MAP4: variants seen among roughly 807,000 people sequenced by gnomAD.
MAP4 encodes the protein microtubule associated protein 4, also known as microtubule-associated protein 4.
Under a neutral mutation model 170.2 loss-of-function variants are expected in MAP4, and 76 were observed. The ratio of observed to expected loss-of-function variants is 0.45; its 90% CI spans 0.37 to 0.54. The LOEUF is 0.54. Ranked by LOEUF, MAP4 falls within the 20% of genes least tolerant of loss-of-function variation. The pLI, the probability that MAP4 is intolerant of heterozygous loss-of-function variation, is 0.00. For synonymous variants in MAP4, 909 were observed against 994.5 expected (o/e 0.91, Z 1.62); for missense variants, 2,506 against 2,748.0 (o/e 0.91, Z 1.97).
chr3:48,003,854 C>T (rs967369171), intron 1 of MAP4, among the ~76,000 whole-genome samples: 1 of 152,040 alleles, frequency 6.6e-6, no homozygotes, highest in Non-Finnish European at 1.5e-5. Context: ...CAGCCACCAG[C>T]GAACATAAAG....
intron 1 of MAP4, among the ~76,000 whole-genome samples, chr3:48,062,557 G>A (rs541643708): frequency 2.8e-5 from 4 of 143,282 alleles, no homozygotes; most frequent in Non-Finnish European, 6.1e-5. Flanking sequence ...ATTGTTATCT[G>A]TCAATTAAAA....
chr3:48,075,140 TGCAGATAGTA>T (rs1347918406), intron 1 of MAP4, among the ~76,000 whole-genome samples: 2 of 152,202 alleles, frequency 1.3e-5, no homozygotes, highest in African/African-American at 2.4e-5. Flanking sequence ...AGCATATTTA[TGCAGATAGTA>T]GCAGATAGTA....
At position 47,870,945 on chromosome 3, in the gene MAP4, G is replaced by C; in HGVS notation, c.6162C>G (p.Thr2054=). 6.2e-7 allele frequency: 1 copy of C among 1,614,112 alleles called. No individual in the cohort carries two copies. Among genetic ancestry groups the C allele is most frequent in the Non-Finnish European group, 8.5e-7 (1 of 1,179,964 alleles). ...GGGTGGTGGAGCTGGGTTTGGCCGA[G>C]GTGGGCTTCTTGTCTATGAAAGGAG... ...STTPFIDKKP[T]SAKPSSTTPR... The change falls in exon 15 of 21, where the codon ACC becomes ACG. Residue 2054 remains threonine, a synonymous_variant. Transcript: ENST00000683076.
In MAP4 at chr3:47,965,893, ATC is replaced by A. The variant is rs138523086; in HGVS notation, c.292+11970_292+11971del. Among the ~76,000 whole-genome samples the A allele has an allele frequency of 2.9e-3, 446 of 152,148 alleles. 4 individuals carry two copies. The highest frequency in any genetic ancestry group is 0.01 in the African/African-American group (417 of 41,498). ...TTTCAATTTTCATATAGCCTAATTT[ATC>A]TGTTTTTTCTTTTGTCGTCTGTGTT... On this transcript the variant is annotated intron_variant, in intron 3 of 20. Transcript: ENST00000683076.
intron 10 of MAP4, among the ~76,000 whole-genome samples, chr3:47,886,570 T>C (rs1184346056): frequency 2.0e-5 from 3 of 152,214 alleles, no homozygotes; most frequent in Non-Finnish European, 4.4e-5. Flanking sequence ...CCCAAAGTGC[T>C]GAGATTACAG....
At position 47,981,766 on chromosome 3, in the gene MAP4, CAAAAA is replaced by C. The variant is rs909696980; in HGVS notation, c.224-3838_224-3834del. On this transcript the variant is annotated intron_variant, in intron 2 of 20. Coordinates refer to ENST00000683076, the MANE Select transcript of MAP4 (RefSeq NM_001385682.1). ...GGCGACAGAGCAAGACTCCATCTCC[CAAAAA>C]AAAAAAAAAGCTTTATTCCCATATA... Among the ~76,000 whole-genome samples the C allele has an allele frequency of 2.8e-5, 3 of 106,760 alleles. No homozygotes were observed. The Admixed American group carries it at 2.9e-4, about 10-fold the overall frequency. The allele number at this position is 106,760 out of a possible 152,430, so 70.0% of individuals were successfully genotyped here.
chr3:47,887,274 T>G lies in MAP4; in HGVS notation c.5435-9751A>C, dbSNP rs565709049. Among the ~76,000 whole-genome samples, 520 of 152,284 alleles carry G rather than the reference T, an allele frequency of 3.4e-3. 4 individuals are homozygous for G. Among genetic ancestry groups the G allele is most frequent in the African/African-American group, 0.012 (487 of 41,570 alleles). The stretch of plus-strand genomic sequence containing the variant: ...GGTCAGCTGGAGTTCCGGGTGGGCG[T>G]GGGCTTGGTGGGCCCCGCACTTGGA... On this transcript the variant is annotated intron_variant, in intron 10 of 20. Coordinates refer to ENST00000683076, the MANE Select transcript of MAP4 (RefSeq NM_001385682.1).
chr3:47,853,898 TC>T (rs1337774412), intron 19 of MAP4, among the ~76,000 whole-genome samples: 1 of 151,886 alleles, frequency 6.6e-6, no homozygotes, highest in African/African-American at 2.4e-5. Context: ...CAGAAAGGTG[TC>T]CAAGGAGGTA....
At chr3:48,028,540 T>G (rs1457186899) in intron 1 of MAP4, among the ~76,000 whole-genome samples, 1 of 151,340 alleles carries the variant, frequency 6.6e-6, no homozygotes, top group Non-Finnish European at 1.5e-5. Flanking sequence ...TTTGGGAGGG[T>G]GAGGCAGGTG....
At chr3:48,047,755 A>G (rs533683082) in intron 1 of MAP4, among the ~76,000 whole-genome samples, 71 of 152,308 alleles carry the variant, frequency 4.7e-4, no homozygotes, top group African/African-American at 1.7e-3. Flanking sequence ...TTATTTTCTT[A>G]GCACTGGTTT....
chr3:47,867,524 G>C (rs1354089099), intron 16 of MAP4, among the ~76,000 whole-genome samples, 186 bp from the exon 17 acceptor site: 1 of 147,996 alleles, frequency 6.8e-6, no homozygotes, highest in Non-Finnish European at 1.5e-5. Flanking sequence ...GAGCAAGAAG[G>C]GGAGTGAAAA....
chr3:48,013,811 T>C (rs1309238724), intron 1 of MAP4, among the ~76,000 whole-genome samples: 1 of 148,804 alleles, frequency 6.7e-6, no homozygotes, highest in Non-Finnish European at 1.5e-5. Context: ...CTTAAGAAAC[T>C]CCACCCAGTT....
intron 3 of MAP4, among the ~76,000 whole-genome samples, chr3:47,961,543 A>G (rs1165695546): frequency 6.6e-6 from 1 of 152,206 alleles, no homozygotes; most frequent in Non-Finnish European, 1.5e-5. Flanking sequence ...AAGTAGCCAA[A>G]ATAATAGGCT....
rs542534796 is a variant in MAP4 at position 48,086,414 on chromosome 3, G to A, written c.-20+2359C>T. On this transcript the variant is annotated intron_variant, in intron 1 of 18. Coordinates refer to the MAP4 transcript ENST00000360240. ...GGCACTTTGGGAGGCCAAAGCAGGC[G>A]GATCACTTGAGGTCAGGAGTTTGAG... Among the ~76,000 whole-genome samples the A allele has an allele frequency of 6.0e-4, 92 of 152,268 alleles. 1 individual carries two copies. In the South Asian group the frequency reaches 0.014, roughly 23 times the overall value.
At chr3:47,936,429 C>G (rs1474276235) in intron 3 of MAP4, among the ~76,000 whole-genome samples, 1 of 148,586 alleles carries the variant, frequency 6.7e-6, no homozygotes, top group Non-Finnish European at 1.5e-5. Flanking sequence ...AAAACTCTGT[C>G]TTAAAAAAAA....
chr3:47,891,862 G>T, intron 10 of MAP4: 1 of 1,536,184 alleles, frequency 6.5e-7, no homozygotes, highest in Non-Finnish European at 8.7e-7. Flanking sequence ...AGCCAGGGGT[G>T]ATGCTATTCT....
intron 3 of MAP4, among the ~76,000 whole-genome samples, chr3:47,937,383 A>T (rs535054530): frequency 1.3e-5 from 2 of 152,288 alleles, no homozygotes; most frequent in South Asian, 4.1e-4. Flanking sequence ...CACTGAGCAG[A>T]GGGGAAGAAA....
At chr3:48,073,767 A>G (rs1579818622) in intron 1 of MAP4, among the ~76,000 whole-genome samples, 1 of 152,198 alleles carries the variant, frequency 6.6e-6, no homozygotes, top group African/African-American at 2.4e-5. Flanking sequence ...AATACTAAGG[A>G]ATAAATTTAA....
At chr3:47,876,136 CT>C (rs4032093) in intron 11 of MAP4, among the ~76,000 whole-genome samples, 33 of 92,240 alleles carry the variant, frequency 3.6e-4, no homozygotes, top group Admixed American at 7.6e-4. Flanking sequence ...CTTTTTCTTT[CT>C]TTTTTTTTTT....
Sources: allele counts gnomAD v4.1 joint callset (sites outside exome capture counted in the v4.1 genomes callset), GRCh38; gene constraint gnomAD v4.1.1; transcripts MANE v1.5; gene names NCBI Gene and HGNC (gene_info 2026-07-23, HGNC 2026-07-21).